THSD7A: variants seen among roughly 807,000 people sequenced by gnomAD.
THSD7A encodes thrombospondin type-1 domain-containing protein 7A.
In THSD7A, 96 loss-of-function variants were observed where a neutral mutation model predicts 231.3. That is an observed-to-expected ratio of 0.41 (90% CI 0.35 to 0.49). The LOEUF is 0.49. Among genes scored for constraint, THSD7A ranks in the 20% least tolerant of loss-of-function variants. The pLI, the probability that THSD7A is intolerant of heterozygous loss-of-function variation, is 0.05. For synonymous variants in THSD7A, 940 were observed against 743.3 expected (o/e 1.26, Z -4.30); for missense variants, 2,290 against 2,070.2 (o/e 1.11, Z -2.06).
At chr7:11,580,028 T>C (rs1276417665) in intron 4 of THSD7A, among the ~76,000 whole-genome samples, 2 of 152,186 alleles carry the variant, frequency 1.3e-5, no homozygotes, top group African/African-American at 4.8e-5. Context: ...GATTTTGAAT[T>C]TGGAATTTTG....
At chr7:11,526,633 G>T (rs1370177756) in intron 6 of THSD7A, among the ~76,000 whole-genome samples, 1 of 152,182 alleles carries the variant, frequency 6.6e-6, no homozygotes. Flanking sequence ...AACATAGCAT[G>T]TAATGCCTAG....
At chr7:11,782,132 A>G (rs1783651002) in intron 1 of THSD7A, among the ~76,000 whole-genome samples, 1 of 152,182 alleles carries the variant, frequency 6.6e-6, no homozygotes, top group Admixed American at 6.5e-5. Flanking sequence ...TTTTTAAAAA[A>G]GAAACTAAAA....
At chr7:11,472,864 A>G (rs945750039) in intron 8 of THSD7A, among the ~76,000 whole-genome samples, 1 of 152,170 alleles carries the variant, frequency 6.6e-6, no homozygotes, top group African/African-American at 2.4e-5. Flanking sequence ...CCTGCGCCAC[A>G]ACAGGTTGGT....
chr7:11,736,700 A>T (rs573080506), intron 1 of THSD7A, among the ~76,000 whole-genome samples: 1 of 152,150 alleles, frequency 6.6e-6, no homozygotes, highest in South Asian at 2.1e-4. Flanking sequence ...TCCTGTATAT[A>T]AGTGGAAAAC....
intron 1 of THSD7A, among the ~76,000 whole-genome samples, chr7:11,799,775 T>A (rs1784226976): frequency 6.6e-6 from 1 of 152,178 alleles, no homozygotes; most frequent in Non-Finnish European, 1.5e-5. Flanking sequence ...TACACAAAGC[T>A]AGATCAAATT....
Position 11,590,416 on chromosome 7 carries a change from G to C in THSD7A, c.1453+44C>G. On this transcript the variant is annotated intron_variant, in intron 4 of 27. Transcript: ENST00000423059. This position sits in a 1 kb window ranked among gnomAD's most constrained non-coding sequence, Gnocchi z 4.4. The stretch of plus-strand genomic sequence containing the variant: ...TCCCTTCAGAGCAATCACATGCTCA[G>C]TCAGTCTTCATAAGTGAATCCTTGA... The C allele has an allele frequency of 6.4e-7, 1 of 1,568,302 alleles. No individual in the cohort carries two copies. Among genetic ancestry groups the C allele is most frequent in the Non-Finnish European group, 8.7e-7 (1 of 1,155,438 alleles).
At chr7:11,707,645 A>G (rs2128147370) in intron 1 of THSD7A, among the ~76,000 whole-genome samples, 1 of 150,978 alleles carries the variant, frequency 6.6e-6, no homozygotes, top group African/African-American at 2.4e-5. Flanking sequence ...ACTTATTTTT[A>G]TTTTTAATTA....
At chr7:11,507,568 C>G (rs1478528343) in intron 6 of THSD7A, among the ~76,000 whole-genome samples, 1 of 148,002 alleles carries the variant, frequency 6.8e-6, no homozygotes, top group African/African-American at 2.5e-5. Context: ...TATTGCTCTA[C>G]AAGTTCACTG....
At chr7:11,649,110 G>A (rs1782396579) in intron 1 of THSD7A, among the ~76,000 whole-genome samples, 1 of 151,894 alleles carries the variant, frequency 6.6e-6, no homozygotes, top group Non-Finnish European at 1.5e-5. Context: ...AAAGATATGT[G>A]GCTTCTGACT....
At chr7:11,423,695 T>A (rs543483777) in intron 16 of THSD7A, among the ~76,000 whole-genome samples, 112 of 152,118 alleles carry the variant, frequency 7.4e-4, no homozygotes, top group African/African-American at 2.6e-3. Flanking sequence ...AAGAAACCAG[T>A]GTATTTAAAA....
chr7:11,653,448 ATGTGTGTGTGTGTGTG>A (rs60933989), intron 1 of THSD7A, among the ~76,000 whole-genome samples: 112 of 127,130 alleles, frequency 8.8e-4, no homozygotes, highest in Non-Finnish European at 1.0e-3. Flanking sequence ...ACTCCCAGAT[ATGTGTGTGTGTGTGTG>A]TGTGTGTGTG....
intron 19 of THSD7A, among the ~76,000 whole-genome samples, chr7:11,409,638 C>A (rs1219780704): frequency 2.6e-5 from 4 of 152,082 alleles, no homozygotes; most frequent in African/African-American, 9.7e-5. Flanking sequence ...TCATTCCGAC[C>A]AAGGAGTACA....
rs1323649912 is a variant in THSD7A at position 11,769,121 on chromosome 7, CAATATATATATATATATA to C, written c.190+62618_190+62635del. Among the ~76,000 whole-genome samples the C allele has an allele frequency of 4.5e-4, 25 of 55,976 alleles. 1 individual carries two copies. The highest frequency in any genetic ancestry group is 7.9e-4 in the Admixed American group (3 of 3,776). 36.7% of individuals were successfully genotyped at this position (55,976 alleles called of 152,430 possible). Reference sequence around the variant, plus strand: ...TACAGGCACCTGCCATAATTCCTGGCAATATATATATATATATATATATATATATATATTTTTTTTTTT... The same window carrying C: ...TACAGGCACCTGCCATAATTCCTGGCTATATATATATATATTTTTTTTTTT... On this transcript the variant is annotated intron_variant, in intron 1 of 27. Coordinates refer to ENST00000423059, the MANE Select transcript of THSD7A (RefSeq NM_015204.3).
At chr7:11,547,101 G>C (rs1352601000) in intron 4 of THSD7A, among the ~76,000 whole-genome samples, 1 of 152,144 alleles carries the variant, frequency 6.6e-6, no homozygotes, top group Non-Finnish European at 1.5e-5. Context: ...CTCTGAAAGG[G>C]AGTAAGGAAA....
intron 1 of THSD7A, among the ~76,000 whole-genome samples, chr7:11,801,508 C>T (rs1328142796): frequency 6.6e-6 from 1 of 152,126 alleles, no homozygotes. Context: ...AAAATTTTAA[C>T]CCTGGTGCAT....
intron 1 of THSD7A, among the ~76,000 whole-genome samples, chr7:11,676,606 G>A (rs973774229): frequency 9.9e-5 from 15 of 152,078 alleles, no homozygotes; most frequent in African/African-American, 3.6e-4. Flanking sequence ...CATAGCACGA[G>A]AACTTCATGG....
chr7:11,477,121 C>A (rs1029540337), intron 7 of THSD7A, among the ~76,000 whole-genome samples: 1 of 152,174 alleles, frequency 6.6e-6, no homozygotes, highest in African/African-American at 2.4e-5. Flanking sequence ...AGTTTGCCAA[C>A]TGTCCCAAAA....
chr7:11,380,370 T>A (rs1219615207), intron 24 of THSD7A, among the ~76,000 whole-genome samples: 1 of 152,190 alleles, frequency 6.6e-6, no homozygotes, highest in Non-Finnish European at 1.5e-5. Flanking sequence ...TGGAAATAGA[T>A]GTCATAAAAA....
At chr7:11,681,164 GC>G (rs1307848706) in intron 1 of THSD7A, among the ~76,000 whole-genome samples, 1 of 151,888 alleles carries the variant, frequency 6.6e-6, no homozygotes, top group Non-Finnish European at 1.5e-5. Flanking sequence ...GAACATATGG[GC>G]ACTGGGAGGG....
Sources: allele counts gnomAD v4.1 joint callset (sites outside exome capture counted in the v4.1 genomes callset), GRCh38; gene constraint gnomAD v4.1.1; non-coding constraint Gnocchi (gnomAD v3.1); transcripts MANE v1.5; gene names NCBI Gene and HGNC (gene_info 2026-07-23, HGNC 2026-07-21).